PCDHGA1: variants seen among roughly 807,000 people sequenced by gnomAD.
PCDHGA1 encodes the protein protocadherin gamma subfamily A, 1.
PCDHGA1 carries 32 observed loss-of-function variants against 58.0 expected under a neutral mutation model. The observed-to-expected ratio is 0.55, with a 90% CI of 0.42 to 0.74. The LOEUF (loss-of-function observed/expected upper bound fraction) is 0.74. Ranked by LOEUF, PCDHGA1 falls within the 30% of genes least tolerant of loss-of-function variation. The pLI is 0.00. For missense variants in PCDHGA1, 1,205 were observed against 1,182.3 expected, an observed-to-expected ratio of 1.02 and a Z score of -0.28; for synonymous variants, 498 against 501.1, an observed-to-expected ratio of 0.99 and a Z score of 0.08.
intron 1 of PCDHGA1, chr5:141,373,929 A>G: frequency 1.5e-6 from 1 of 673,706 alleles, no homozygotes; most frequent in Non-Finnish European, 2.3e-6. Context: ...TTAGACGGGA[A>G]AGCAGGAAAG....
In PCDHGA1 at chr5:141,356,455, A is replaced by G; in HGVS notation, c.2421+23350A>G. 2 of 1,613,402 alleles carry G rather than the reference A, an allele frequency of 1.2e-6. No homozygotes were observed. Among genetic ancestry groups the G allele is most frequent in the Non-Finnish European group, 1.7e-6 (2 of 1,179,560 alleles). Reference sequence around the variant, plus strand: ...GGACAGGGAAGAAGTCTCAGAATATAACATCACTGTAACTGCCACTGACCA... The same window carrying G: ...GGACAGGGAAGAAGTCTCAGAATATGACATCACTGTAACTGCCACTGACCA... On this transcript the variant is annotated intron_variant, in intron 1 of 3. Transcript: ENST00000517417.
At chr5:141,392,349 A>T (rs60903062) in intron 1 of PCDHGA1, 6,500 of 152,632 alleles carry the variant, frequency 0.043, 224 homozygotes, top group African/African-American at 0.093. Context: ...GAGTAATTTA[A>T]TCCGATGCTA....
In PCDHGA1 at chr5:141,332,317, A is replaced by C. The variant is rs778210329; in HGVS notation, c.1633A>C (p.Asn545His). 6.2e-7 allele frequency: 1 copy of C among 1,614,186 alleles called. No homozygotes were observed. The highest frequency in any genetic ancestry group is 8.5e-7 in the Non-Finnish European group (1 of 1,180,024). ...CAGTGGGGATCCGCCCCTCAGCAGC[A>C]ACGTGTCTCTCAGCCTATTCCTGCT... ...RDSGDPPLSS[N>H]VSLSLFLLDQ... The change falls in exon 1 of 4, where the codon AAC (asparagine) becomes CAC (histidine). Residue 545 changes from asparagine (N) to histidine (H), a missense_variant. Transcript: ENST00000517417. This position sits in a 1 kb window ranked among gnomAD's most constrained non-coding sequence, Gnocchi z 4.6.
intron 1 of PCDHGA1, chr5:141,414,410 G>A (rs1216701146): frequency 1.2e-6 from 2 of 1,613,856 alleles, no homozygotes; most frequent in Non-Finnish European, 1.7e-6. Context: ...GTGATACACA[G>A]AGCCCTTGAC....
chr5:141,480,240 C>CAA (rs11374694), intron 1 of PCDHGA1, among the ~76,000 whole-genome samples: 156 of 114,060 alleles, frequency 1.4e-3, no homozygotes, highest in Admixed American at 4.6e-3. Flanking sequence ...CCTGTCTCTA[C>CAA]AAAAAAAAAA....
chr5:141,427,161 G>A (rs1561826750), intron 1 of PCDHGA1: 1 of 456,698 alleles, frequency 2.2e-6, no homozygotes, highest in Non-Finnish European at 4.4e-6. Flanking sequence ...GTTTGTGCTA[G>A]ACCATCAAAA....
chr5:141,494,815 G>T lies in PCDHGA1; in HGVS notation c.2430G>T (p.Pro810=). The change falls in exon 2 of 4, where the codon CCG becomes CCT. Residue 810 remains proline, a synonymous_variant. Transcript: ENST00000517417. ...CTCTGTTTTCTCCACAGCAAGCCCC[G>T]CCCAACACGGACTGGCGTTTCTCTC... The part of the protein sequence containing the change: ...DKKEPFSQQA[P]PNTDWRFSQA... 1.2e-6 allele frequency: 2 copies of T among 1,613,976 alleles called. No individual in the cohort carries two copies. The highest frequency in any genetic ancestry group is 1.1e-5 in the South Asian group (1 of 91,072).
At chr5:141,353,757 A>AT (rs1189530295) in intron 1 of PCDHGA1, among the ~76,000 whole-genome samples, 1 of 152,166 alleles carries the variant, frequency 6.6e-6, no homozygotes, top group Non-Finnish European at 1.5e-5. Flanking sequence ...ACATGTTGAG[A>AT]TTTTTTTAAT....
In PCDHGA1 at chr5:141,335,306, G is replaced by A. The variant is rs186840658; in HGVS notation, c.2421+2201G>A. 4.5e-3 allele frequency among the ~76,000 whole-genome samples: 687 copies of A among 152,044 alleles called. 3 individuals carry two copies. The highest frequency in any genetic ancestry group is 0.011 in the South Asian group (53 of 4,814). ...TAAAATCCATATTCTAATAATACAC[G>A]TGCTTAAAATAAAAATACACTGAAA... is the stretch of plus-strand genomic sequence containing the variant. On this transcript the variant is annotated intron_variant, in intron 1 of 3. Transcript: ENST00000517417.
rs774992336 is a variant in PCDHGA1, at chr5:141,409,845, T to G, written c.2421+76740T>G. The G allele has an allele frequency of 7.4e-6, 12 of 1,611,748 alleles. No homozygotes were observed. In the African/African-American group the frequency reaches 1.6e-4, roughly 22 times the overall value. On this transcript the variant is annotated intron_variant, in intron 1 of 3. Coordinates refer to ENST00000517417, the MANE Select transcript of PCDHGA1 (RefSeq NM_018912.3). ...CCCACGCTCAGCGCCAACGTGAGCCTGCGCGTGTTGGTGGGAGACCGCAAT... is the reference window on the plus strand; with the variant it reads ...CCCACGCTCAGCGCCAACGTGAGCCGGCGCGTGTTGGTGGGAGACCGCAAT...
intron 3 of PCDHGA1, among the ~76,000 whole-genome samples, chr5:141,506,116 A>T: frequency 6.6e-6 from 1 of 152,136 alleles, no homozygotes; most frequent in East Asian, 1.9e-4. Flanking sequence ...AAGAGTCACT[A>T]GGGCCCAGAG....
rs572892456 is a variant in PCDHGA1, at chr5:141,427,959, C to T, written c.2422-66848C>T. On this transcript the variant is annotated intron_variant, in intron 1 of 3. Coordinates refer to ENST00000517417, the MANE Select transcript of PCDHGA1 (RefSeq NM_018912.3). Reference sequence around the variant, plus strand: ...GGGCGACCTCAATGACAATGTGCCGCGGGTGCTGTACCCCGCGCTGGGGCC... The same window carrying T: ...GGGCGACCTCAATGACAATGTGCCGTGGGTGCTGTACCCCGCGCTGGGGCC... 3.8e-6 allele frequency: 6 copies of T among 1,588,886 alleles called. No individual in the cohort carries two copies. The East Asian group carries it at 1.1e-4, about 30-fold the overall frequency.
chr5:141,470,054 C>T (rs895181664), intron 1 of PCDHGA1, among the ~76,000 whole-genome samples: 2 of 152,118 alleles, frequency 1.3e-5, no homozygotes, highest in African/African-American at 4.8e-5. Flanking sequence ...GTTTGAACCC[C>T]GGAGGCAGAG....
chr5:141,455,822 CCCCTTTTCCTGT>C (rs2098832641), intron 1 of PCDHGA1, among the ~76,000 whole-genome samples: 2 of 151,688 alleles, frequency 1.3e-5, no homozygotes, highest in African/African-American at 4.8e-5. Flanking sequence ...TTCCCAAGGA[CCCCTTTTCCTGT>C]CTATCTGCAT....
At position 141,432,987 on chromosome 5, in the gene PCDHGA1, T is replaced by C. The variant is rs1259121931; in HGVS notation, c.2422-61820T>C. ...GCGCCGGCGTCGCACTTTGTGGGCGTGGACGGGGTGCAGGCTTTCCTGCAG... is the reference window on the plus strand; with the variant it reads ...GCGCCGGCGTCGCACTTTGTGGGCGCGGACGGGGTGCAGGCTTTCCTGCAG... On this transcript the variant is annotated intron_variant, in intron 1 of 3. Coordinates refer to ENST00000517417, the MANE Select transcript of PCDHGA1 (RefSeq NM_018912.3). The surrounding 1 kb of genome is among the most constrained non-coding windows in gnomAD (Gnocchi z 6.0). The C allele has an allele frequency of 3.7e-6, 6 of 1,614,174 alleles. No individual in the cohort carries two copies. Among genetic ancestry groups the C allele is most frequent in the Non-Finnish European group, 5.1e-6 (6 of 1,180,032 alleles).
intron 1 of PCDHGA1, chr5:141,355,552 CG>C: frequency 1.2e-6 from 2 of 1,613,938 alleles, no homozygotes; most frequent in South Asian, 2.2e-5. Flanking sequence ...GAAGATTTTG[CG>C]GGTAGAGGTG....
chr5:141,399,569 G>A (rs1192197329), intron 1 of PCDHGA1: 1 of 1,613,888 alleles, frequency 6.2e-7, no homozygotes, highest in Non-Finnish European at 8.5e-7. Context: ...GGGTTGAACG[G>A]CCAAGTCTCC....
At chr5:141,397,224 A>T (rs2093491277) in intron 1 of PCDHGA1, among the ~76,000 whole-genome samples, 1 of 151,376 alleles carries the variant, frequency 6.6e-6, no homozygotes. Context: ...ATTTTGAGAT[A>T]TGAAGAAGAG....
Position 141,490,089 on chromosome 5 carries a change from C to G in PCDHGA1, c.2422-4718C>G. On this transcript the variant is annotated intron_variant, in intron 1 of 3. Transcript: ENST00000517417. This position sits in a 1 kb window ranked among gnomAD's most constrained non-coding sequence, Gnocchi z 5.4. ...GCCAACTAGACTATTCTTTTGGAGACCACACATCTGAGGCAGTGCGGAACC... is the reference window on the plus strand; with the variant it reads ...GCCAACTAGACTATTCTTTTGGAGAGCACACATCTGAGGCAGTGCGGAACC... 1 of 1,614,232 alleles carries G rather than the reference C, an allele frequency of 6.2e-7. No homozygotes were observed. The highest frequency in any genetic ancestry group is 8.5e-7 in the Non-Finnish European group (1 of 1,180,026).
Sources: allele counts gnomAD v4.1 joint callset (sites outside exome capture counted in the v4.1 genomes callset), GRCh38; gene constraint gnomAD v4.1.1; non-coding constraint Gnocchi (gnomAD v3.1); transcripts MANE v1.5; gene names NCBI Gene and HGNC (gene_info 2026-07-23, HGNC 2026-07-21).